ERG: variants seen among roughly 807,000 people sequenced by gnomAD.
ERG encodes the protein transcriptional regulator ERG.
ERG carries 9 observed loss-of-function variants against 55.3 expected under a neutral mutation model. That is an observed-to-expected ratio of 0.16 (90% CI 0.10 to 0.28). ERG has a LOEUF of 0.28. Among genes scored for constraint, ERG ranks in the 10% least tolerant of loss-of-function variants. ERG has a pLI of 1.00. For missense variants in ERG, 434 were observed against 631.6 expected, an observed-to-expected ratio of 0.69 and a Z score of 3.35; for synonymous variants, 223 against 237.3, an observed-to-expected ratio of 0.94 and a Z score of 0.55.
At chr21:38,661,329 TA>T (rs531423064) in intron 1 of ERG, among the ~76,000 whole-genome samples, 128 of 152,302 alleles carry the variant, frequency 8.4e-4, no homozygotes, top group Non-Finnish European at 1.6e-3. Context: ...AAGACGTTTA[TA>T]AAATGACCGC....
chr21:38,651,064 A>G (rs1052457465), intron 1 of ERG, among the ~76,000 whole-genome samples: 12 of 152,258 alleles, frequency 7.9e-5, no homozygotes, highest in African/African-American at 2.9e-4. Context: ...GAGTTGTCGC[A>G]GCATGATTCC....
intron 2 of ERG, among the ~76,000 whole-genome samples, chr21:38,553,855 C>A (rs1442997375): frequency 6.7e-6 from 1 of 149,590 alleles, no homozygotes; most frequent in Non-Finnish European, 1.5e-5. Flanking sequence ...TAAAGAGCTT[C>A]TGCACAGCAA....
intron 1 of ERG, among the ~76,000 whole-genome samples, chr21:38,595,594 A>G (rs1379401207): frequency 1.3e-5 from 2 of 152,154 alleles, no homozygotes. Flanking sequence ...GCCACCTCAG[A>G]GCAGAAGCAG....
chr21:38,456,177 AG>A (rs2058988067), intron 1 of ERG, among the ~76,000 whole-genome samples: 1 of 152,218 alleles, frequency 6.6e-6, no homozygotes, highest in Non-Finnish European at 1.5e-5. Context: ...CATGCAGATA[AG>A]GTAGAAATCT....
At chr21:38,392,114 A>G (rs1987997916) in intron 7 of ERG, among the ~76,000 whole-genome samples, 2 of 152,228 alleles carry the variant, frequency 1.3e-5, no homozygotes, top group Non-Finnish European at 2.9e-5. Flanking sequence ...TTTAATGTGT[A>G]CTCAAACATC....
intron 2 of ERG, among the ~76,000 whole-genome samples, chr21:38,548,227 G>T (rs1268782331): frequency 2.0e-5 from 3 of 151,850 alleles, no homozygotes; most frequent in Non-Finnish European, 4.4e-5. Flanking sequence ...ATCACTTGAG[G>T]GTGAGGACAG....
chr21:38,402,688 A>C, intron 4 of ERG, 51 bp from the exon 5 acceptor site: 1 of 927,628 alleles, frequency 1.1e-6, no homozygotes, highest in Non-Finnish European at 1.6e-6. Flanking sequence ...AAAGAGAGAG[A>C]GAGAAAGAGA....
rs555471654 is a variant in ERG, at chr21:38,535,064, T to C, written c.-41+40598A>G. 2.0e-5 allele frequency among the ~76,000 whole-genome samples: 3 copies of C among 152,172 alleles called. No individual in the cohort carries two copies. The South Asian group carries it at 6.2e-4, about 32-fold the overall frequency. On this transcript the variant is annotated intron_variant, in intron 2 of 8. Coordinates refer to the ERG transcript ENST00000398897. ...TGCACCTATCAACCCATCACCTAGGTATTAAGCCCAGTATGTATTAGCTAT... is the reference window on the plus strand; with the variant it reads ...TGCACCTATCAACCCATCACCTAGGCATTAAGCCCAGTATGTATTAGCTAT...
intron 1 of ERG, among the ~76,000 whole-genome samples, chr21:38,621,828 A>C (rs758820564): frequency 2.0e-5 from 3 of 152,206 alleles, no homozygotes; most frequent in African/African-American, 7.2e-5. Context: ...GAATTTCCAG[A>C]GTCTACTTAG....
At chr21:38,495,870 C>T (rs185388087) in intron 1 of ERG, among the ~76,000 whole-genome samples, 8 of 152,282 alleles carry the variant, frequency 5.3e-5, no homozygotes, top group Admixed American at 1.3e-4. Context: ...ACAGTGGGGC[C>T]GGTGAGGTTC....
chr21:38,413,826 G>A (rs950555650), intron 3 of ERG, among the ~76,000 whole-genome samples: 1 of 152,138 alleles, frequency 6.6e-6, no homozygotes, highest in Non-Finnish European at 1.5e-5. Context: ...CCCTGCCTGG[G>A]TTTTCTTTCT....
chr21:38,643,244 G>T (rs1178986790), intron 1 of ERG, among the ~76,000 whole-genome samples: 1 of 152,210 alleles, frequency 6.6e-6, no homozygotes, highest in Non-Finnish European at 1.5e-5. Flanking sequence ...GGATACCAGA[G>T]CACGCAGGAA....
Position 38,383,669 on chromosome 21 carries a change from A to G in ERG, c.1174T>C (p.Phe392Leu). ...HGKRYAYKFD[F>L]HGIAQALQPH... is the part of the protein sequence containing the mutation. ...TGGAGGGCCTGGGCGATCCCGTGGAAGTCGAACTTGTAGGCGTAGCGCTTC... is the reference window on the plus strand; with the variant it reads ...TGGAGGGCCTGGGCGATCCCGTGGAGGTCGAACTTGTAGGCGTAGCGCTTC... Residue 392 changes from phenylalanine to leucine, a missense_variant, in exon 10 of 10, where the codon TTC (phenylalanine) becomes CTC (leucine). This residue lies in a region of ERG where 107 missense variants were observed against 126.8 expected (regional missense o/e 0.84). Coordinates refer to ENST00000288319, the MANE Select transcript of ERG (RefSeq NM_182918.4). This position sits in a 1 kb window ranked among gnomAD's most constrained non-coding sequence, Gnocchi z 5.7. 1 of 1,614,180 alleles carries G rather than the reference A, an allele frequency of 6.2e-7. No homozygotes were observed. The highest frequency in any genetic ancestry group is 8.5e-7 in the Non-Finnish European group (1 of 1,180,026).
intron 1 of ERG, among the ~76,000 whole-genome samples, chr21:38,455,867 G>GT (rs1569113047): frequency 7.4e-6 from 1 of 135,458 alleles, no homozygotes. Context: ...AATTGGTACG[G>GT]TCCCCCCCCT....
intron 1 of ERG, among the ~76,000 whole-genome samples, chr21:38,642,172 C>T (rs937942810): frequency 6.6e-6 from 1 of 152,256 alleles, no homozygotes; most frequent in Non-Finnish European, 1.5e-5. Flanking sequence ...GGTAAGTGAA[C>T]AAAACAGGTG....
At chr21:38,479,060 T>G (rs757625297) in intron 1 of ERG, among the ~76,000 whole-genome samples, 3 of 152,216 alleles carry the variant, frequency 2.0e-5, no homozygotes, top group Non-Finnish European at 2.9e-5. Flanking sequence ...CTTGTGAAAC[T>G]GAAATGGTTG....
intron 1 of ERG, among the ~76,000 whole-genome samples, chr21:38,479,895 T>C (rs958168381): frequency 6.6e-6 from 1 of 152,202 alleles, no homozygotes; most frequent in Admixed American, 6.5e-5. Flanking sequence ...GCATATGATC[T>C]TTTTCCTTGT....
At chr21:38,648,254 G>C (rs1474490951) in intron 1 of ERG, among the ~76,000 whole-genome samples, 1 of 151,998 alleles carries the variant, frequency 6.6e-6, no homozygotes, top group Non-Finnish European at 1.5e-5. Flanking sequence ...TTAAATCAGG[G>C]TTGGGCCAGC....
At chr21:38,392,515 T>G in intron 6 of ERG, 71 bp from the exon 7 acceptor site, 1 of 1,121,986 alleles carries the variant, frequency 8.9e-7, no homozygotes. Flanking sequence ...GGTTTTTTAT[T>G]TGATTTTGTA....
Sources: allele counts gnomAD v4.1 joint callset (sites outside exome capture counted in the v4.1 genomes callset), GRCh38; gene constraint gnomAD v4.1.1; regional missense constraint gnomAD v4.1.1; non-coding constraint Gnocchi (gnomAD v3.1); transcripts MANE v1.5; gene names NCBI Gene and HGNC (gene_info 2026-07-23, HGNC 2026-07-21).